NUP98: variants seen among roughly 807,000 people sequenced by gnomAD.
NUP98 encodes nucleoporin 98 and 96 precursor, also known as nuclear pore complex protein Nup98-Nup96.
A neutral mutation model predicts 191.9 loss-of-function variants in NUP98; 26 were observed. The observed-to-expected ratio is 0.14, with a 90% confidence interval of 0.10 to 0.19. The LOEUF is 0.19. Among genes scored for constraint, NUP98 ranks in the 10% least tolerant of loss-of-function variants. The probability of loss-of-function intolerance (pLI) is 1.00; values close to 1 mark genes in which losing one functional copy is unlikely to be tolerated. For missense variants in NUP98, 1,941 were observed against 2,178.8 expected (o/e 0.89, Z 2.17); for synonymous variants, 808 against 778.4 (o/e 1.04, Z -0.63).
intron 10 of NUP98, among the ~76,000 whole-genome samples, chr11:3,758,021 G>A (rs1437898791): frequency 6.6e-6 from 1 of 150,422 alleles, no homozygotes; most frequent in African/African-American, 2.4e-5. Context: ...GGGAGATGAT[G>A]ATTAAGAAAA....
chr11:3,766,876 A>AC (rs980191789), intron 8 of NUP98, among the ~76,000 whole-genome samples: 3 of 152,140 alleles, frequency 2.0e-5, no homozygotes, highest in Admixed American at 2.0e-4. Flanking sequence ...AAATTATATT[A>AC]CCACAGTGTA....
intron 16 of NUP98, among the ~76,000 whole-genome samples, chr11:3,722,554 T>C (rs1277571678): frequency 2.6e-5 from 4 of 152,054 alleles, no homozygotes; most frequent in Non-Finnish European, 5.9e-5. Flanking sequence ...GGGCTGGGCA[T>C]GGTGGCTCAT....
chr11:3,790,906 T>C (rs2082311760), intron 1 of NUP98, among the ~76,000 whole-genome samples: 1 of 151,808 alleles, frequency 6.6e-6, no homozygotes, highest in Admixed American at 6.6e-5. Flanking sequence ...TAATTTTTTT[T>C]TTTTTTTGAG....
chr11:3,783,312 C>A (rs1394343038), intron 1 of NUP98, among the ~76,000 whole-genome samples: 2 of 152,104 alleles, frequency 1.3e-5, no homozygotes, highest in Non-Finnish European at 2.9e-5. Flanking sequence ...CGCTTGAGCC[C>A]AGAAGGTGGA....
intron 11 of NUP98, among the ~76,000 whole-genome samples, chr11:3,746,663 AG>A (rs904875493): frequency 6.6e-6 from 1 of 151,868 alleles, no homozygotes; most frequent in African/African-American, 2.4e-5. Flanking sequence ...CTGTAATCCT[AG>A]CACTGTGGGA....
chr11:3,756,426 C>G (rs576504018), intron 10 of NUP98, among the ~76,000 whole-genome samples: 1 of 152,090 alleles, frequency 6.6e-6, no homozygotes, highest in Non-Finnish European at 1.5e-5. Flanking sequence ...TTTCATATCA[C>G]TGAAGATGAC....
rs546710473 is a variant in NUP98 at position 3,748,934 on chromosome 11, G to A, written c.1268-4285C>T. On this transcript the variant is annotated intron_variant, in intron 11 of 32. Transcript: ENST00000324932. ...AATGAAATGCTTTCTGGGGTATAAT[G>A]AGGAATTTTCATTAAAAAAAAAAAA... is the stretch of plus-strand genomic sequence containing the variant. Among the ~76,000 whole-genome samples the A allele has an allele frequency of 1.1e-3, 171 of 150,550 alleles. 1 individual carries two copies. The highest frequency in any genetic ancestry group is 2.5e-4 in the Non-Finnish European group (17 of 67,586).
At chr11:3,742,563 G>A (rs930422751) in intron 12 of NUP98, among the ~76,000 whole-genome samples, 1 of 151,882 alleles carries the variant, frequency 6.6e-6, no homozygotes, top group African/African-American at 2.4e-5. Flanking sequence ...TATATGCGTG[G>A]TGGCAGGCAC....
chr11:3,765,984 T>A (rs2081325839), intron 8 of NUP98, among the ~76,000 whole-genome samples: 1 of 152,158 alleles, frequency 6.6e-6, no homozygotes, highest in East Asian at 1.9e-4. Context: ...TCTACAAATG[T>A]GAGGGTTTAT....
chr11:3,691,924 T>C (rs1047110225), intron 27 of NUP98, among the ~76,000 whole-genome samples: 1 of 152,162 alleles, frequency 6.6e-6, no homozygotes, highest in Non-Finnish European at 1.5e-5. Context: ...GTGCAGTGGC[T>C]TGAGCCTATA....
intron 19 of NUP98, 25 bp from the exon 20 acceptor site, chr11:3,712,753 A>C: frequency 6.2e-7 from 1 of 1,604,238 alleles, no homozygotes; most frequent in Non-Finnish European, 8.5e-7. Flanking sequence ...AACCCCACAA[A>C]ACAACTTAAA....
chr11:3,705,369 T>C lies in NUP98; in HGVS notation c.2926-13A>G. 3 of 1,613,336 alleles carry C rather than the reference T, an allele frequency of 1.9e-6. No individual in the cohort carries two copies. Among genetic ancestry groups the C allele is most frequent in the East Asian group, 2.2e-5 (1 of 44,874 alleles). On this transcript the variant is annotated splice_polypyrimidine_tract_variant and intron_variant, in intron 21 of 32. Transcript: ENST00000324932. ...ATGCTTTCATGATCTAAAAAGGCAA[T>C]ATCTATAGAATGAATGTGCTTCCCA...
chr11:3,707,754 A>AAAAAAAAAAAAAAAAC (rs71041376), intron 20 of NUP98, among the ~76,000 whole-genome samples: 1 of 146,714 alleles, frequency 6.8e-6, no homozygotes, highest in Admixed American at 6.8e-5. Flanking sequence ...AAAAAAAAAA[A>AAAAAAAAAAAAAAAAC]TCCTGAAGGA....
intron 16 of NUP98, among the ~76,000 whole-genome samples, chr11:3,721,255 T>G (rs2079390130): frequency 6.6e-6 from 1 of 152,188 alleles, no homozygotes; most frequent in Non-Finnish European, 1.5e-5. Context: ...AAACCTACAG[T>G]GGAAATAACT....
chr11:3,701,836 C>G (rs2078689023), intron 23 of NUP98, among the ~76,000 whole-genome samples: 2 of 151,850 alleles, frequency 1.3e-5, no homozygotes, highest in Non-Finnish European at 2.9e-5. Flanking sequence ...CAGGCGCCTG[C>G]CACAACGCCC....
chr11:3,771,706 T>G, intron 7 of NUP98, 42 bp downstream of exon 7: 2 of 1,551,786 alleles, frequency 1.3e-6, no homozygotes, highest in Non-Finnish European at 1.8e-6. Flanking sequence ...TTTAGTTATC[T>G]GTCTCTCCTC....
At chr11:3,761,268 A>G (rs949794700) in intron 9 of NUP98, among the ~76,000 whole-genome samples, 3 of 152,230 alleles carry the variant, frequency 2.0e-5, no homozygotes, top group African/African-American at 7.2e-5. Flanking sequence ...AAAATCACCT[A>G]GCTATACACT....
intron 13 of NUP98, among the ~76,000 whole-genome samples, chr11:3,734,448 C>T (rs1201992269): frequency 6.6e-6 from 1 of 152,156 alleles, no homozygotes; most frequent in Non-Finnish European, 1.5e-5. Flanking sequence ...TACTATGATC[C>T]TGGTATGCAT....
At chr11:3,751,828 C>T (rs1589877830) in intron 11 of NUP98, among the ~76,000 whole-genome samples, 1 of 152,108 alleles carries the variant, frequency 6.6e-6, no homozygotes, top group Admixed American at 6.6e-5. Flanking sequence ...CAATGCACTC[C>T]ACCCTGGGTA....
Sources: allele counts gnomAD v4.1 joint callset (sites outside exome capture counted in the v4.1 genomes callset), GRCh38; gene constraint gnomAD v4.1.1; transcripts MANE v1.5; gene names NCBI Gene and HGNC (gene_info 2026-07-23, HGNC 2026-07-21).